KCNH5: variants seen among roughly 807,000 people sequenced by gnomAD.
The protein encoded by KCNH5 is voltage-gated delayed rectifier potassium channel KCNH5.
KCNH5 carries 46 observed loss-of-function variants against 96.1 expected under a neutral mutation model. The observed-to-expected ratio is 0.48, with a 90% CI of 0.38 to 0.61. The LOEUF (loss-of-function observed/expected upper bound fraction) is 0.61. Ranked by LOEUF, KCNH5 falls within the 20% of genes least tolerant of loss-of-function variation. The pLI is 0.00. For synonymous variants in KCNH5, 439 were observed against 449.8 expected (o/e 0.98, Z 0.30); for missense variants, 907 against 1,225.8 (o/e 0.74, Z 3.88).
chr14:62,706,211 T>TC lies in KCNH5; in HGVS notation c.*1296dup, dbSNP rs1386999124. Reference sequence around the variant, plus strand: ...AAAGACTAAAATTCAGTCTTTAGTATCCCCCTTTCACAAATGGACCTGCCT... The same window carrying TC: ...AAAGACTAAAATTCAGTCTTTAGTATCCCCCCTTTCACAAATGGACCTGCCT... On this transcript the variant is annotated 3_prime_UTR_variant, in exon 11 of 11. Transcript: ENST00000322893. The TC allele has an allele frequency of 6.6e-6, 1 of 152,146 alleles. No individual in the cohort carries two copies. Among genetic ancestry groups the TC allele is most frequent in the Non-Finnish European group, 1.5e-5 (1 of 67,968 alleles). 9.4% of individuals were successfully genotyped at this position (152,146 alleles called of 1,614,324 possible).
chr14:62,976,097 T>TAAA (rs377478705), intron 6 of KCNH5, among the ~76,000 whole-genome samples: 117 of 139,938 alleles, frequency 8.4e-4, no homozygotes, highest in African/African-American at 2.6e-3. Flanking sequence ...ATAGGAGATT[T>TAAA]AAAAAAAAAA....
intron 7 of KCNH5, among the ~76,000 whole-genome samples, chr14:62,930,589 G>T (rs1889562326): frequency 6.6e-6 from 1 of 152,146 alleles, no homozygotes; most frequent in South Asian, 2.1e-4. Context: ...AGGCAAGTAT[G>T]CCACTTGACA....
At chr14:62,894,211 T>C (rs1036662717) in intron 7 of KCNH5, among the ~76,000 whole-genome samples, 3 of 152,252 alleles carry the variant, frequency 2.0e-5, no homozygotes, top group Non-Finnish European at 4.4e-5. Context: ...TTCACTTCAC[T>C]GAGGTGGCCT....
chr14:62,836,930 A>C (rs775763215), intron 8 of KCNH5, among the ~76,000 whole-genome samples: 3 of 152,152 alleles, frequency 2.0e-5, no homozygotes, highest in Non-Finnish European at 4.4e-5. Flanking sequence ...AATCAGAATC[A>C]AACTTTGACT....
At chr14:63,028,109 C>CCTCT (rs10547361) in intron 1 of KCNH5, among the ~76,000 whole-genome samples, 288 of 148,764 alleles carry the variant, frequency 1.9e-3, no homozygotes, top group African/African-American at 6.1e-3. Context: ...GCTTTACAAA[C>CCTCT]CTCTCTCTCT....
chr14:62,855,933 G>A (rs1012406526), intron 7 of KCNH5, among the ~76,000 whole-genome samples: 1 of 152,040 alleles, frequency 6.6e-6, no homozygotes, highest in Non-Finnish European at 1.5e-5. Context: ...TGATAAAAAA[G>A]ACAGACATAA....
Position 62,799,691 on chromosome 14 carries a change from TTATATATATATATATATATA to T in KCNH5, c.1822+2618_1822+2637del, listed in dbSNP as rs71410693. ...ATATATCTTTTCTATGTATATACCT[TTATATATATATATATATATA>T]TATATATATATATATACACACACAC... On this transcript the variant is annotated intron_variant, in intron 9 of 10. Transcript: ENST00000322893. Among the ~76,000 whole-genome samples the T allele has an allele frequency of 1.6e-3, 94 of 58,018 alleles. 1 individual carries two copies. The highest frequency in any genetic ancestry group is 2.8e-3 in the Non-Finnish European group (82 of 29,572). 38.1% of individuals were successfully genotyped at this position (58,018 alleles called of 152,430 possible). A position where few individuals can be genotyped will look rare whatever the true frequency, so the allele number is the denominator to read the frequency against.
chr14:62,945,480 T>A (rs531346018), intron 7 of KCNH5, among the ~76,000 whole-genome samples: 1 of 152,136 alleles, frequency 6.6e-6, no homozygotes, highest in Non-Finnish European at 1.5e-5. Context: ...TTCATTCATA[T>A]GAAAAATTAA....
In KCNH5 at chr14:62,851,342, T is replaced by C. The variant is rs138578398; in HGVS notation, c.1370-1490A>G. ...AGTCTTTCAACGTCCTGTGTGCATA[T>C]ATTTATTTTAATAGTTCAAAATAAA... On this transcript the variant is annotated intron_variant, in intron 7 of 10. Transcript: ENST00000322893. 4.8e-3 allele frequency among the ~76,000 whole-genome samples: 734 copies of C among 152,224 alleles called. 7 individuals carry two copies. The highest frequency in any genetic ancestry group is 7.4e-3 in the Non-Finnish European group (504 of 67,984).
intron 7 of KCNH5, among the ~76,000 whole-genome samples, chr14:62,889,976 T>C (rs1888672653): frequency 6.6e-6 from 1 of 151,994 alleles, no homozygotes; most frequent in Non-Finnish European, 1.5e-5. Flanking sequence ...AAACAAGCAA[T>C]GGGGAAAAGA....
At chr14:62,719,077 T>G (rs944801796) in intron 10 of KCNH5, among the ~76,000 whole-genome samples, 1 of 152,192 alleles carries the variant, frequency 6.6e-6, no homozygotes, top group Non-Finnish European at 1.5e-5. Context: ...TGACCACAAA[T>G]GTTTGTGGGT....
At chr14:62,846,389 AT>A (rs1887691971) in intron 8 of KCNH5, among the ~76,000 whole-genome samples, 1 of 152,084 alleles carries the variant, frequency 6.6e-6, no homozygotes, top group African/African-American at 2.4e-5. Flanking sequence ...AGTGTGAAAG[AT>A]TTTACACTTT....
At chr14:62,974,669 C>G (rs1391292113) in intron 6 of KCNH5, among the ~76,000 whole-genome samples, 1 of 152,190 alleles carries the variant, frequency 6.6e-6, no homozygotes, top group Non-Finnish European at 1.5e-5. Flanking sequence ...TCATTCTGCA[C>G]TTACATCATG....
At chr14:62,970,886 A>G (rs2139556958) in intron 6 of KCNH5, among the ~76,000 whole-genome samples, 2 of 152,226 alleles carry the variant, frequency 1.3e-5, no homozygotes, top group Admixed American at 1.3e-4. Flanking sequence ...AAAGAAAAAA[A>G]AAACCCTACA....
chr14:62,916,707 T>C (rs1452632752), intron 7 of KCNH5, among the ~76,000 whole-genome samples: 6 of 145,694 alleles, frequency 4.1e-5, no homozygotes, highest in Admixed American at 3.4e-4. Flanking sequence ...GACTGCATGT[T>C]TGATTTGAAA....
Position 63,016,872 on chromosome 14 carries a change from T to C in KCNH5, c.156A>G (p.Gly52=), listed in dbSNP as rs116187090. Residue 52 remains glycine (G), a synonymous_variant, in exon 2 of 11, where the codon GGA becomes GGG. Transcript: ENST00000322893. ...TCTGCATGACGTCAGCTCGATGATA[T>C]CCAGAGAGTTTACAAAAACCGTCAT... is the stretch of plus-strand genomic sequence containing the variant. ...YSNDGFCKLS[G]YHRADVMQKS... 7.4e-6 allele frequency: 12 copies of C among 1,612,010 alleles called. No individual in the cohort carries two copies. Among genetic ancestry groups the C allele is most frequent in the Non-Finnish European group, 9.3e-6 (11 of 1,178,682 alleles).
intron 3 of KCNH5, among the ~76,000 whole-genome samples, chr14:63,005,792 CA>C (rs1891114082): frequency 6.6e-6 from 1 of 152,100 alleles, no homozygotes; most frequent in Non-Finnish European, 1.5e-5. Context: ...TTACCACATA[CA>C]AATCTCATCC....
intron 7 of KCNH5, among the ~76,000 whole-genome samples, chr14:62,854,019 C>CA (rs1003772444): frequency 0.05 from 5,716 of 115,470 alleles, 374 homozygotes; most frequent in East Asian, 0.15. Context: ...AAAAAAAAAA[C>CA]AAAAAAAACA....
intron 8 of KCNH5, among the ~76,000 whole-genome samples, chr14:62,829,268 A>G (rs1887291913): frequency 6.6e-6 from 1 of 152,172 alleles, no homozygotes; most frequent in South Asian, 2.1e-4. Context: ...TGGGGTCGGG[A>G]GGACAGTGGC....
Sources: allele counts gnomAD v4.1 joint callset (sites outside exome capture counted in the v4.1 genomes callset), GRCh38; gene constraint gnomAD v4.1.1; transcripts MANE v1.5; gene names NCBI Gene and HGNC (gene_info 2026-07-23, HGNC 2026-07-21).